GLT1D1: variants seen among roughly 807,000 people sequenced by gnomAD.
GLT1D1 encodes the protein glycosyltransferase 1 domain-containing protein 1.
In GLT1D1, 21 loss-of-function variants were observed where a neutral mutation model predicts 28.7. The observed-to-expected ratio is 0.73, with a 90% CI of 0.52 to 1.05. The LOEUF is 1.05. GLT1D1 is among the 50% of genes least tolerant of loss of function. GLT1D1 has a pLI of 0.00. For missense variants in GLT1D1, 343 were observed against 330.6 expected, an observed-to-expected ratio of 1.04 and a Z score of -0.29; for synonymous variants, 147 against 124.8, an observed-to-expected ratio of 1.18 and a Z score of -1.19.
In GLT1D1 at chr12:128,942,735, G is replaced by GTTTTTTTTTTTTTTTT. The variant is rs1397894974; in HGVS notation, c.376-2588_376-2587insTTTTTTTTTTTTTTTT. On this transcript the variant is annotated intron_variant, in intron 4 of 7. Transcript: ENST00000281703. The stretch of plus-strand genomic sequence containing the variant: ...ATCACTTTAGATTCCAATTTTCTTT[G>GTTTTTTTTTTTTTTTT]TTTGTTTGTTTTTGTTTTTTGTTTT... 4.9e-4 allele frequency among the ~76,000 whole-genome samples: 44 copies of GTTTTTTTTTTTTTTTT among 89,536 alleles called. 13 individuals are homozygous for GTTTTTTTTTTTTTTTT. Among genetic ancestry groups the GTTTTTTTTTTTTTTTT allele is most frequent in the African/African-American group, 1.9e-3 (44 of 23,140 alleles). The allele number at this position is 89,536 out of a possible 152,430, so 58.7% of individuals were successfully genotyped here.
intron 7 of GLT1D1, among the ~76,000 whole-genome samples, chr12:128,977,771 TC>T (rs1565928629): frequency 1.7e-4 from 4 of 24,026 alleles, no homozygotes; most frequent in Admixed American, 1.1e-3. Flanking sequence ...TTTTCTTTTT[TC>T]TTTTTTCTTT....
In GLT1D1 at chr12:128,973,348, A is replaced by ATTTT. The variant is rs369304204; in HGVS notation, c.640-9567_640-9564dup. Among the ~76,000 whole-genome samples the ATTTT allele has an allele frequency of 3.6e-3, 422 of 118,824 alleles. 3 individuals are homozygous for ATTTT. Among genetic ancestry groups the ATTTT allele is most frequent in the African/African-American group, 0.012 (363 of 31,004 alleles). 78.0% of individuals were successfully genotyped at this position (118,824 alleles called of 152,430 possible). A position where few individuals can be genotyped will look rare whatever the true frequency, so the allele number is the denominator to read the frequency against. On this transcript the variant is annotated intron_variant, in intron 7 of 7. Transcript: ENST00000281703. ...CAGGCATGTGCCACCACACCTGGCTATTTTTTTTTTTTTTTTTGTATTTTT... is the reference window on the plus strand; with the variant it reads ...CAGGCATGTGCCACCACACCTGGCTATTTTTTTTTTTTTTTTTTTTTGTATTTTT...
chr12:128,932,685 T>C (rs1874055280), intron 4 of GLT1D1, among the ~76,000 whole-genome samples: 1 of 152,130 alleles, frequency 6.6e-6, no homozygotes, highest in Admixed American at 6.5e-5. Context: ...TGGGATTTGC[T>C]GAAACCGCGG....
chr12:128,872,435 C>T (rs1331215454), intron 1 of GLT1D1, among the ~76,000 whole-genome samples: 2 of 152,046 alleles, frequency 1.3e-5, no homozygotes, highest in Admixed American at 6.6e-5. Flanking sequence ...CAGGAGAGTT[C>T]TCTGGAAGGA....
intron 7 of GLT1D1, among the ~76,000 whole-genome samples, chr12:128,972,968 G>A (rs1879335472): frequency 6.6e-6 from 1 of 152,024 alleles, no homozygotes; most frequent in Non-Finnish European, 1.5e-5. Flanking sequence ...GTATACTAGA[G>A]TCACCAGGCT....
At chr12:128,964,763 C>T (rs530092816) in intron 7 of GLT1D1, among the ~76,000 whole-genome samples, 12 of 152,182 alleles carry the variant, frequency 7.9e-5, no homozygotes, top group East Asian at 1.9e-4. Context: ...GGACCACTGG[C>T]GAGAAGCCTG....
intron 4 of GLT1D1, among the ~76,000 whole-genome samples, chr12:128,936,954 G>A (rs1035066536): frequency 1.3e-5 from 2 of 152,192 alleles, no homozygotes; most frequent in Non-Finnish European, 1.5e-5. Context: ...GATGTGGAAG[G>A]TAAATCCAGA....
chr12:128,961,091 T>C (rs1018948580), intron 7 of GLT1D1, among the ~76,000 whole-genome samples: 2 of 152,266 alleles, frequency 1.3e-5, no homozygotes, highest in Admixed American at 1.3e-4. Flanking sequence ...TTAAAGGGCA[T>C]TCCCTATTCT....
intron 2 of GLT1D1, among the ~76,000 whole-genome samples, chr12:128,879,402 C>CTT (rs776450041): frequency 7.0e-5 from 6 of 85,404 alleles, no homozygotes; most frequent in Non-Finnish European, 1.3e-4. Context: ...TTCTTTCTTT[C>CTT]TTTCTTTCTT....
chr12:128,957,484 T>C (rs1035273287), intron 6 of GLT1D1, 61 bp from the exon 11 acceptor site: 2 of 1,164,138 alleles, frequency 1.7e-6, no homozygotes, highest in Non-Finnish European at 2.6e-6. Flanking sequence ...CCCTGACTCA[T>C]CTTGCCGCAG....
intron 4 of GLT1D1, among the ~76,000 whole-genome samples, chr12:128,912,689 G>A (rs1343533259): frequency 6.6e-6 from 1 of 151,834 alleles, no homozygotes; most frequent in Admixed American, 6.6e-5. Context: ...TTGAGACAAG[G>A]TCTGGCTCTG....
chr12:128,876,904 C>CT (rs1157138230), intron 2 of GLT1D1, among the ~76,000 whole-genome samples: 1 of 152,194 alleles, frequency 6.6e-6, no homozygotes, highest in Non-Finnish European at 1.5e-5. Context: ...ATTTACGTCT[C>CT]TCCCTGACAC....
intron 4 of GLT1D1, among the ~76,000 whole-genome samples, chr12:128,935,469 A>T (rs1256268921): frequency 2.0e-5 from 3 of 149,862 alleles, no homozygotes; most frequent in East Asian, 2.0e-4. Context: ...TGAACCCGGG[A>T]GGCAGAGGTT....
At position 128,891,947 on chromosome 12, in the gene GLT1D1, G is replaced by A. The variant is rs73153425; in HGVS notation, c.323+3203G>A. On this transcript the variant is annotated intron_variant, in intron 3 of 7. Coordinates refer to ENST00000281703, the MANE Select transcript of GLT1D1 (RefSeq NM_144669.3). ...ACAGGTTGGTTTTCTACATCTTAGG[G>A]AGATGTGAGACATCAATCAATATAT... Among the ~76,000 whole-genome samples, 1,014 of 152,260 alleles carry A rather than the reference G, an allele frequency of 6.7e-3. 7 individuals carry two copies. Among genetic ancestry groups the A allele is most frequent in the South Asian group, 0.039 (190 of 4,824 alleles).
At position 128,872,476 on chromosome 12, in the gene GLT1D1, G is replaced by A. The variant is rs532816660; in HGVS notation, c.69-3438G>A. The stretch of plus-strand genomic sequence containing the variant: ...CACTAGGAAGTGTCATGTCAGCGGC[G>A]TGGAGACTCAAGAAGGAAGCGTGAT... On this transcript the variant is annotated intron_variant, in intron 1 of 7. Coordinates refer to ENST00000281703, the MANE Select transcript of GLT1D1 (RefSeq NM_144669.3). 1.2e-3 allele frequency among the ~76,000 whole-genome samples: 178 copies of A among 152,262 alleles called. No individual in the cohort carries two copies. The Middle Eastern group carries it at 0.017, about 15-fold the overall frequency.
At chr12:128,944,106 C>A (rs1875713143) in intron 4 of GLT1D1, among the ~76,000 whole-genome samples, 1 of 152,116 alleles carries the variant, frequency 6.6e-6, no homozygotes, top group Non-Finnish European at 1.5e-5. Flanking sequence ...GTATCTGACT[C>A]ATTTGGCACA....
At chr12:128,944,932 C>T (rs564758018) in intron 4 of GLT1D1, 191 of 522,928 alleles carry the variant, frequency 3.7e-4, no homozygotes, top group Middle Eastern at 2.6e-3. Context: ...TTTCTCGTAA[C>T]GCTATCCCTC....
At chr12:128,962,680 A>T (rs1337736234) in intron 7 of GLT1D1, among the ~76,000 whole-genome samples, 4 of 152,174 alleles carry the variant, frequency 2.6e-5, no homozygotes, top group Admixed American at 2.6e-4. Flanking sequence ...ATAAATGCAG[A>T]CAACTCAGTC....
intron 4 of GLT1D1, among the ~76,000 whole-genome samples, chr12:128,923,795 C>T (rs1872900564): frequency 6.6e-6 from 1 of 152,110 alleles, no homozygotes; most frequent in African/African-American, 2.4e-5. Context: ...GTTGGGATTA[C>T]AGGCGTGAGC....
Sources: allele counts gnomAD v4.1 joint callset (sites outside exome capture counted in the v4.1 genomes callset), GRCh38; gene constraint gnomAD v4.1.1; transcripts MANE v1.5; gene names NCBI Gene and HGNC (gene_info 2026-07-23, HGNC 2026-07-21).